Variants in AADAC observed in about 807,000 individuals in gnomAD.
AADAC encodes arylacetamide deacetylase, also known as arylacetamide deacetylase (esterase).
AADAC carries 17 observed loss-of-function variants against 22.7 expected under a neutral mutation model. That is an observed-to-expected ratio of 0.75 (90% confidence interval 0.51 to 1.12). The LOEUF is 1.12. AADAC is among the 50% of genes most tolerant of loss of function. The probability of loss-of-function intolerance (pLI) is 0.00; values close to 1 mark genes in which losing one functional copy is unlikely to be tolerated. For missense variants in AADAC, 465 were observed against 473.9 expected, an observed-to-expected ratio of 0.98 and a Z score of 0.17; for synonymous variants, 167 against 176.3, an observed-to-expected ratio of 0.95 and a Z score of 0.42.
Position 151,828,252 on chromosome 3 carries a change from A to C in AADAC, c.*80A>C. On this transcript the variant is annotated 3_prime_UTR_variant, in exon 5 of 5. Coordinates refer to ENST00000232892, the MANE Select transcript of AADAC (RefSeq NM_001086.3). ...TTTGCATTAGAAATTGGTCTTTCTT[A>C]GAATGGTCTAGTTAAGTTCCACATG... is the stretch of plus-strand genomic sequence containing the variant. The C allele has an allele frequency of 3.2e-6, 3 of 943,846 alleles. No individual in the cohort carries two copies. The South Asian group carries it at 6.8e-5, about 22-fold the overall frequency. The allele number at this position is 943,846 out of a possible 1,614,324, so 58.5% of individuals were successfully genotyped here.
Position 151,824,668 on chromosome 3 carries a change from G to A in AADAC, c.437G>A (p.Arg146Lys), listed in dbSNP as rs1323878259. 6.4e-7 allele frequency: 1 copy of A among 1,569,766 alleles called. No individual in the cohort carries two copies. The highest frequency in any genetic ancestry group is 8.6e-7 in the Non-Finnish European group (1 of 1,160,068). Residue 146 changes from arginine to lysine, a missense_variant, in exon 4 of 5, where the codon AGA (arginine) becomes AAA (lysine). Arg to Lys is a conservative substitution (Grantham distance 26, BLOSUM62 2). Transcript: ENST00000232892. ...ACTATGTTTTCTCTCTACAGCTACA[G>A]ATTAGCACCTAAGTATCATTTCCCA... ...LDAVVVSTNY[R>K]LAPKYHFPIQ...
rs747136962 is a variant in AADAC, at chr3:151,827,572, T to C, written c.604-4T>C. ...TGATTTGTGCAAATCATCTTGCTTC[T>C]CAGCTCCTTGATGACCCAGATGTCA... On this transcript the variant is annotated splice_polypyrimidine_tract_variant and splice_region_variant and intron_variant, in intron 4 of 4. Coordinates refer to ENST00000232892, the MANE Select transcript of AADAC (RefSeq NM_001086.3). The C allele has an allele frequency of 5.3e-6, 8 of 1,522,008 alleles. No individual in the cohort carries two copies. The highest frequency in any genetic ancestry group is 5.3e-6 in the Non-Finnish European group (6 of 1,128,610). The allele number at this position is 1,522,008 out of a possible 1,614,324, so 94.3% of individuals were successfully genotyped here.
chr3:151,814,868 A>C (rs999867389), intron 1 of AADAC, among the ~76,000 whole-genome samples: 3 of 152,052 alleles, frequency 2.0e-5, no homozygotes, highest in Admixed American at 1.3e-4. Flanking sequence ...ATGCTGGCAA[A>C]TTAAAAAGGT....
At chr3:151,824,637 G>A in intron 3 of AADAC, 26 bp from the exon 4 acceptor site, 1 of 1,462,028 alleles carries the variant, frequency 6.8e-7, no homozygotes, top group South Asian at 1.6e-5. Flanking sequence ...ACAAAAAAAT[G>A]TGTAAACTAT....
chr3:151,817,661 C>A, intron 2 of AADAC, 73 bp downstream of exon 2: 5 of 1,339,864 alleles, frequency 3.7e-6, no homozygotes, highest in Non-Finnish European at 5.3e-6. Flanking sequence ...TCAGTAGGTA[C>A]ACATGCCCTT....
intron 4 of AADAC, among the ~76,000 whole-genome samples, chr3:151,825,284 TGAG>T (rs1716440492): frequency 6.6e-6 from 1 of 151,706 alleles, no homozygotes; most frequent in South Asian, 2.1e-4. Flanking sequence ...CCTAGGAGGC[TGAG>T]GAGGCTGAGG....
intron 4 of AADAC, among the ~76,000 whole-genome samples, chr3:151,826,109 C>G (rs544667120): frequency 6.6e-6 from 1 of 152,052 alleles, no homozygotes; most frequent in African/African-American, 2.4e-5. Flanking sequence ...TAATTTTTCA[C>G]ACTAAAAGCA....
At chr3:151,824,934 C>G in intron 4 of AADAC, 100 bp downstream of exon 4, 3 of 931,540 alleles carry the variant, frequency 3.2e-6, no homozygotes, top group Middle Eastern at 4.6e-4. Flanking sequence ...AATATGAATG[C>G]AAATAGGAGA....
At chr3:151,819,543 G>A (rs1716144154) in intron 2 of AADAC, among the ~76,000 whole-genome samples, 1 of 152,016 alleles carries the variant, frequency 6.6e-6, no homozygotes, top group Admixed American at 6.6e-5. Context: ...AGATTGAAAT[G>A]AGAGTTAAGT....
At chr3:151,824,877 C>T (rs190077240) in intron 4 of AADAC, 43 bp downstream of exon 4, 87 of 1,399,236 alleles carry the variant, frequency 6.2e-5, no homozygotes, top group Middle Eastern at 3.7e-4. Flanking sequence ...AGCGTTTCTA[C>T]GCTGTTTTAA....
rs553663784 is a variant in AADAC at position 151,821,131 on chromosome 3, T to A, written c.431+679T>A. On this transcript the variant is annotated intron_variant, in intron 3 of 4. Transcript: ENST00000232892. ...CAGGATCATCTATAAAAGTGCATCA[T>A]AAATAATTTCCATCTCAGATGGTCA... 4.5e-3 allele frequency among the ~76,000 whole-genome samples: 677 copies of A among 151,984 alleles called. 15 individuals are homozygous for A. Among genetic ancestry groups the A allele is most frequent in the Non-Finnish European group, 5.5e-3 (372 of 67,948 alleles).
In AADAC at chr3:151,820,377, T is replaced by C. The variant is rs779569276; in HGVS notation, c.362-6T>C. The C allele has an allele frequency of 6.4e-7, 1 of 1,568,448 alleles. No homozygotes were observed. Among genetic ancestry groups the C allele is most frequent in the Non-Finnish European group, 8.7e-7 (1 of 1,154,748 alleles). ...CTAATATGTTGCTTTTATCCTTTTA[T>C]TTCAGCTCTAAGTGGTTATGACTTG... On this transcript the variant is annotated splice_region_variant and splice_polypyrimidine_tract_variant and intron_variant, in intron 2 of 4. Transcript: ENST00000232892.
chr3:151,820,371 CT>C lies in AADAC; in HGVS notation c.362-8del. ...GTTTTACTAATATGTTGCTTTTATC[CT>C]TTTATTTCAGCTCTAAGTGGTTATG... On this transcript the variant is annotated splice_polypyrimidine_tract_variant and intron_variant, in intron 2 of 4. Coordinates refer to ENST00000232892, the MANE Select transcript of AADAC (RefSeq NM_001086.3). The C allele has an allele frequency of 2.6e-6, 4 of 1,562,182 alleles. No individual in the cohort carries two copies. Among genetic ancestry groups the C allele is most frequent in the Admixed American group, 1.9e-5 (1 of 53,938 alleles).
chr3:151,815,963 C>A (rs1715973004), intron 1 of AADAC, among the ~76,000 whole-genome samples: 1 of 151,944 alleles, frequency 6.6e-6, no homozygotes, highest in African/African-American at 2.4e-5. Flanking sequence ...GATTGAGAAT[C>A]CTGGTAAATA....
intron 4 of AADAC, among the ~76,000 whole-genome samples, chr3:151,826,546 AT>A (rs1716503292): frequency 6.6e-6 from 1 of 151,980 alleles, no homozygotes; most frequent in Non-Finnish European, 1.5e-5. Context: ...GTTACATCTA[AT>A]AATATCTGTA....
chr3:151,827,827 C>T lies in AADAC; in HGVS notation c.855C>T (p.Ser285=). 1 of 1,613,190 alleles carries T rather than the reference C, an allele frequency of 6.2e-7. No homozygotes were observed. Residue 285 remains serine (S), a synonymous_variant, in exon 5 of 5, where the codon TCC becomes TCT. Transcript: ENST00000232892. ...TCTTCAAATTTGTTAATTGGAGTTC[C>T]CTGCTCCCTGAGAGGTTTATAAAAG... is the stretch of plus-strand genomic sequence containing the variant. The part of the protein sequence containing the change: ...SHLFKFVNWS[S]LLPERFIKGH...
intron 4 of AADAC, among the ~76,000 whole-genome samples, chr3:151,825,215 A>G (rs1253471873): frequency 1.3e-5 from 2 of 151,584 alleles, no homozygotes; most frequent in South Asian, 2.1e-4. Flanking sequence ...CTACAAAAAA[A>G]AAAAAAGAAA....
At chr3:151,822,807 A>G (rs1716304887) in intron 3 of AADAC, among the ~76,000 whole-genome samples, 1 of 151,994 alleles carries the variant, frequency 6.6e-6, no homozygotes, top group Non-Finnish European at 1.5e-5. Context: ...ATCTTCCAAA[A>G]TTGATTGTGG....
chr3:151,822,110 T>A (rs1166617221), intron 3 of AADAC, among the ~76,000 whole-genome samples: 1 of 151,820 alleles, frequency 6.6e-6, no homozygotes, highest in East Asian at 1.9e-4. Flanking sequence ...GAAATGCAAA[T>A]CAAAACCACA....
Sources: allele counts gnomAD v4.1 joint callset (sites outside exome capture counted in the v4.1 genomes callset), GRCh38; gene constraint gnomAD v4.1.1; transcripts MANE v1.5; gene names NCBI Gene and HGNC (gene_info 2026-07-23, HGNC 2026-07-21).